SGCD: variants seen among roughly 807,000 people sequenced by gnomAD.
SGCD encodes the protein delta-sarcoglycan.
SGCD carries 18 observed loss-of-function variants against 36.6 expected under a neutral mutation model. The ratio of observed to expected loss-of-function variants is 0.49; its 90% CI spans 0.34 to 0.73. SGCD has a LOEUF of 0.73. Ranked by LOEUF, SGCD falls within the 30% of genes least tolerant of loss-of-function variation. The pLI, the probability that SGCD is intolerant of heterozygous loss-of-function variation, is 0.01. For synonymous variants in SGCD, 133 were observed against 130.6 expected (o/e 1.02, Z -0.12); for missense variants, 387 against 346.7 (o/e 1.12, Z -0.92).
intron 3 of SGCD, among the ~76,000 whole-genome samples, chr5:156,250,608 G>T (rs187021418): frequency 6.6e-6 from 1 of 152,202 alleles, no homozygotes; most frequent in African/African-American, 2.4e-5. Context: ...AAGAGAAGAG[G>T]TTGAACCACT....
At chr5:156,422,896 G>A (rs892219307) in intron 3 of SGCD, among the ~76,000 whole-genome samples, 3 of 151,648 alleles carry the variant, frequency 2.0e-5, no homozygotes, top group African/African-American at 7.3e-5. Flanking sequence ...TCCTTCTGTA[G>A]GTTGCTAGGA....
intron 1 of SGCD, among the ~76,000 whole-genome samples, chr5:155,907,108 T>G (rs1756533557): frequency 6.8e-6 from 1 of 147,642 alleles, no homozygotes; most frequent in African/African-American, 2.4e-5. Context: ...CAAAATCTAC[T>G]CTGCCTGTGC....
At chr5:156,592,795 A>G (rs1036183) in intron 5 of SGCD, among the ~76,000 whole-genome samples, 27 of 152,086 alleles carry the variant, frequency 1.8e-4, no homozygotes, top group Non-Finnish European at 3.2e-4. Flanking sequence ...TGCTGTTTCA[A>G]TCTCCTACTC....
chr5:155,942,322 G>C (rs74461277), intron 1 of SGCD, among the ~76,000 whole-genome samples: 23,839 of 78,344 alleles, frequency 0.3, 2,136 homozygotes, highest in South Asian at 0.38. Flanking sequence ...ATGTATGTAT[G>C]TATGTATGTA....
At chr5:156,573,781 ACTC>A (rs1285373323) in intron 4 of SGCD, among the ~76,000 whole-genome samples, 2 of 152,058 alleles carry the variant, frequency 1.3e-5, no homozygotes, top group Non-Finnish European at 2.9e-5. Context: ...GTAACCTCAA[ACTC>A]CTGGACTCAA....
intron 7 of SGCD, among the ~76,000 whole-genome samples, chr5:156,648,215 A>G (rs777328461): frequency 5.7e-4 from 86 of 151,020 alleles, no homozygotes; most frequent in Non-Finnish European, 1.2e-3. Context: ...TATTCTTTCT[A>G]TTGCTTCAAG....
At chr5:156,080,911 C>T (rs1437578004) in intron 1 of SGCD, among the ~76,000 whole-genome samples, 1 of 152,192 alleles carries the variant, frequency 6.6e-6, no homozygotes, top group African/African-American at 2.4e-5. Flanking sequence ...TCCAAAGTCA[C>T]CTATACGTTT....
chr5:156,280,979 A>G (rs892733768), intron 3 of SGCD, among the ~76,000 whole-genome samples: 1 of 152,192 alleles, frequency 6.6e-6, no homozygotes, highest in Admixed American at 6.5e-5. Flanking sequence ...ACTTTCATAA[A>G]AACCCGATAC....
chr5:156,360,595 A>T (rs529070003), intron 3 of SGCD, among the ~76,000 whole-genome samples: 1 of 151,810 alleles, frequency 6.6e-6, no homozygotes, highest in African/African-American at 2.4e-5. Context: ...TTTATTGCAT[A>T]CTCACAACCC....
chr5:156,234,196 A>G (rs1044819553), intron 3 of SGCD, among the ~76,000 whole-genome samples: 1 of 152,012 alleles, frequency 6.6e-6, no homozygotes, highest in Non-Finnish European at 1.5e-5. Flanking sequence ...TGAGATGTTT[A>G]TTTACATTTT....
chr5:156,552,851 C>T (rs1758852482), intron 4 of SGCD, among the ~76,000 whole-genome samples: 1 of 152,084 alleles, frequency 6.6e-6, no homozygotes, highest in Non-Finnish European at 1.5e-5. Context: ...GCTTTAAACC[C>T]GTCCCAAATC....
chr5:155,756,089 T>TG, the SGCD span, among the ~76,000 whole-genome samples: 1 of 152,244 alleles, frequency 6.6e-6, no homozygotes. Flanking sequence ...AGGTGTTCCC[T>TG]CTCAATGCTT....
chr5:156,674,060 T>C (rs937843850), intron 7 of SGCD, among the ~76,000 whole-genome samples: 1 of 152,206 alleles, frequency 6.6e-6, no homozygotes, highest in African/African-American at 2.4e-5. Flanking sequence ...CAAATGTGCC[T>C]GATGAGTGGG....
chr5:156,395,484 T>C (rs1771797315), intron 3 of SGCD, among the ~76,000 whole-genome samples: 1 of 152,242 alleles, frequency 6.6e-6, no homozygotes, highest in Non-Finnish European at 1.5e-5. Context: ...GTCTGACTTT[T>C]AGCTGGCTGG....
chr5:156,714,929 G>A (rs1409244903), intron 7 of SGCD, among the ~76,000 whole-genome samples: 1 of 152,144 alleles, frequency 6.6e-6, no homozygotes, highest in South Asian at 2.1e-4. Flanking sequence ...TGTGAGAATT[G>A]TATAAATATA....
chr5:156,382,215 C>T (rs527247207), intron 3 of SGCD, among the ~76,000 whole-genome samples: 1 of 152,226 alleles, frequency 6.6e-6, no homozygotes, highest in South Asian at 2.1e-4. Context: ...CATATTTAAT[C>T]AATGCCTCTT....
intron 3 of SGCD, among the ~76,000 whole-genome samples, chr5:156,481,872 G>A (rs1034242980): frequency 2.0e-5 from 3 of 152,146 alleles, no homozygotes; most frequent in Non-Finnish European, 4.4e-5. Flanking sequence ...GCAAGTCTTT[G>A]AAGAGGTGCC....
At chr5:156,114,089 A>G (rs892625662) in intron 1 of SGCD, among the ~76,000 whole-genome samples, 1 of 152,090 alleles carries the variant, frequency 6.6e-6, no homozygotes, top group Non-Finnish European at 1.5e-5. Context: ...ATCATAATAC[A>G]TTTGTCAAAA....
At chr5:155,739,924 T>G in the SGCD span, among the ~76,000 whole-genome samples, 1 of 152,018 alleles carries the variant, frequency 6.6e-6, no homozygotes, top group African/African-American at 2.4e-5. Context: ...GTAGAATAAT[T>G]GAAATTATAG....
Sources: allele counts gnomAD v4.1 joint callset (sites outside exome capture counted in the v4.1 genomes callset), GRCh38; gene constraint gnomAD v4.1.1; transcripts MANE v1.5; gene names NCBI Gene and HGNC (gene_info 2026-07-23, HGNC 2026-07-21).